Variants in KCND3 observed in about 807,000 individuals in gnomAD.
KCND3 encodes potassium voltage-gated channel subfamily D member 3.
Under a neutral mutation model 51.1 loss-of-function variants are expected in KCND3, and 9 were observed. The observed-to-expected ratio is 0.18, with a 90% confidence interval of 0.11 to 0.31. The LOEUF (loss-of-function observed/expected upper bound fraction) is 0.31, where lower values mean the gene tolerates loss of function less well. Ranked by LOEUF, KCND3 falls within the 10% of genes least tolerant of loss-of-function variation. The pLI is 1.00. For synonymous variants in KCND3, 349 were observed against 368.0 expected (o/e 0.95, Z 0.59); for missense variants, 526 against 903.8 (o/e 0.58, Z 5.36).
intron 2 of KCND3, among the ~76,000 whole-genome samples, chr1:111,925,476 A>T (rs1393801855): frequency 6.6e-5 from 10 of 152,164 alleles, no homozygotes; most frequent in Admixed American, 4.6e-4. Flanking sequence ...GTGTCCTTTT[A>T]AAATAGCAGT....
At chr1:111,890,102 C>T (rs1315818160) in intron 2 of KCND3, among the ~76,000 whole-genome samples, 1 of 152,104 alleles carries the variant, frequency 6.6e-6, no homozygotes, top group Non-Finnish European at 1.5e-5. Flanking sequence ...TCAGCTTTGC[C>T]TCTGGATGAA....
Position 111,785,895 on chromosome 1 carries a change from G to A in KCND3, c.1269+1049C>T, listed in dbSNP as rs575855422. On this transcript the variant is annotated intron_variant, in intron 3 of 7. Transcript: ENST00000302127. ...ATGCATAGGGCCGACCACATAGTAC[G>A]TGCTCAGTAAATGTTTGTGGAATAA... Among the ~76,000 whole-genome samples the A allele has an allele frequency of 3.3e-5, 5 of 152,266 alleles. No individual in the cohort carries two copies. In the South Asian group the frequency reaches 8.3e-4, roughly 25 times the overall value.
At position 111,780,112 on chromosome 1, in the gene KCND3, G is replaced by A. The variant is rs1664305727; in HGVS notation, c.1461+113C>T. 2 of 1,156,142 alleles carry A rather than the reference G, an allele frequency of 1.7e-6. No homozygotes were observed. The allele number at this position is 1,156,142 out of a possible 1,614,324, so 71.6% of individuals were successfully genotyped here. ...CCAGTAGATCCCATCACTACCTTTT[G>A]GATCTGAAGGGGACAGACTTTGACT... On this transcript the variant is annotated intron_variant, in intron 5 of 7. Transcript: ENST00000302127. The surrounding 1 kb of genome is among the most constrained non-coding windows in gnomAD (Gnocchi z 4.2).
At chr1:111,913,414 T>G (rs577108698) in intron 2 of KCND3, among the ~76,000 whole-genome samples, 23 of 152,322 alleles carry the variant, frequency 1.5e-4, no homozygotes, top group Non-Finnish European at 2.6e-4. Flanking sequence ...CAGAAAGGCA[T>G]CACATTCACA....
At chr1:111,892,970 C>T (rs1444142209) in intron 2 of KCND3, among the ~76,000 whole-genome samples, 1 of 152,120 alleles carries the variant, frequency 6.6e-6, no homozygotes, top group Non-Finnish European at 1.5e-5. Context: ...TTTTGCTCAC[C>T]TTGGACTTGC....
At chr1:111,958,537 A>C (rs1673459580) in intron 2 of KCND3, among the ~76,000 whole-genome samples, 1 of 152,214 alleles carries the variant, frequency 6.6e-6, no homozygotes, top group South Asian at 2.1e-4. Context: ...AGAAACAGGA[A>C]AATTAAGTAG....
At chr1:111,893,222 C>G (rs1669931481) in intron 2 of KCND3, among the ~76,000 whole-genome samples, 1 of 152,160 alleles carries the variant, frequency 6.6e-6, no homozygotes, top group South Asian at 2.1e-4. Context: ...CCGGCAAGTA[C>G]AGAGTACTAA....
chr1:111,800,617 G>A (rs1253871902), intron 2 of KCND3, among the ~76,000 whole-genome samples: 1 of 151,822 alleles, frequency 6.6e-6, no homozygotes, highest in Non-Finnish European at 1.5e-5. Flanking sequence ...TAAATGTCCA[G>A]TCAGTTGTTC....
intron 2 of KCND3, among the ~76,000 whole-genome samples, chr1:111,866,836 A>G (rs1380013841): frequency 3.9e-5 from 6 of 152,134 alleles, no homozygotes; most frequent in Non-Finnish European, 8.8e-5. Flanking sequence ...TGATTTCTAA[A>G]TCAGGTCTAA....
At chr1:111,842,156 C>T (rs904819622) in intron 2 of KCND3, among the ~76,000 whole-genome samples, 6 of 152,158 alleles carry the variant, frequency 3.9e-5, no homozygotes, top group African/African-American at 9.7e-5. Flanking sequence ...GGATTCAGGA[C>T]TGCTCTTGAT....
intron 2 of KCND3, among the ~76,000 whole-genome samples, chr1:111,978,058 C>T (rs551482702): frequency 6.6e-6 from 1 of 152,324 alleles, no homozygotes; most frequent in South Asian, 2.1e-4. Flanking sequence ...CATAGAAAAG[C>T]CATCCTCAAG....
At chr1:111,936,660 T>C (rs74109733) in intron 2 of KCND3, among the ~76,000 whole-genome samples, 3 of 152,186 alleles carry the variant, frequency 2.0e-5, no homozygotes, top group Admixed American at 2.0e-4. Flanking sequence ...TTGGCTTCAC[T>C]GTGTGGGTGA....
At chr1:111,874,445 G>A (rs758856156) in intron 2 of KCND3, among the ~76,000 whole-genome samples, 27 of 152,288 alleles carry the variant, frequency 1.8e-4, no homozygotes, top group African/African-American at 3.1e-4. Context: ...CCTTTGGAGC[G>A]TTTTGTCTGC....
chr1:111,886,619 T>C (rs527458887), intron 2 of KCND3, among the ~76,000 whole-genome samples: 4 of 152,278 alleles, frequency 2.6e-5, no homozygotes, highest in Middle Eastern at 3.4e-3. Flanking sequence ...CTTTGTGAGA[T>C]AATAATAAAA....
intron 2 of KCND3, among the ~76,000 whole-genome samples, chr1:111,926,522 G>A (rs750134895): frequency 1.9e-4 from 29 of 152,238 alleles, no homozygotes; most frequent in African/African-American, 4.3e-4. Context: ...TGCCTGTCCC[G>A]TAGAAGGGTG....
intron 2 of KCND3, among the ~76,000 whole-genome samples, chr1:111,886,469 A>G (rs182681910): frequency 4.8e-4 from 73 of 152,252 alleles, no homozygotes; most frequent in African/African-American, 1.7e-3. Context: ...TTAGAAGGAT[A>G]TGAAACCTGT....
chr1:111,966,201 T>G (rs760771487), intron 2 of KCND3, among the ~76,000 whole-genome samples: 1 of 152,228 alleles, frequency 6.6e-6, no homozygotes, highest in South Asian at 2.1e-4. Context: ...GATCATTTAA[T>G]GGTTGGTTTC....
chr1:111,778,355 C>T (rs779208614), intron 6 of KCND3, 81 bp downstream of exon 6: 87 of 1,325,766 alleles, frequency 6.6e-5, no homozygotes, highest in Non-Finnish European at 9.0e-5. Flanking sequence ...CAGAACCAGG[C>T]CGGGGGGTAA....
At chr1:111,896,339 A>T (rs1009827782) in intron 2 of KCND3, among the ~76,000 whole-genome samples, 1 of 152,204 alleles carries the variant, frequency 6.6e-6, no homozygotes, top group African/African-American at 2.4e-5. Context: ...CACCCAGAAG[A>T]TCTCAGCTCG....
Sources: allele counts gnomAD v4.1 joint callset (sites outside exome capture counted in the v4.1 genomes callset), GRCh38; gene constraint gnomAD v4.1.1; non-coding constraint Gnocchi (gnomAD v3.1); transcripts MANE v1.5; gene names NCBI Gene and HGNC (gene_info 2026-07-23, HGNC 2026-07-21).